The following LPCAT3 variants were observed in gnomAD, a reference collection of about 807,000 sequenced individuals.
LPCAT3 encodes the protein lysophosphatidylcholine acyltransferase 3.
Under a neutral mutation model 63.4 loss-of-function variants are expected in LPCAT3, and 21 were observed. The ratio of observed to expected loss-of-function variants is 0.33; its 90% CI spans 0.23 to 0.48. The LOEUF is 0.48. Ranked by LOEUF, LPCAT3 falls within the 20% of genes least tolerant of loss-of-function variation. LPCAT3 has a pLI of 0.99. For synonymous variants in LPCAT3, 242 were observed against 227.5 expected (o/e 1.06, Z -0.58); for missense variants, 451 against 590.6 (o/e 0.76, Z 2.45).
chr12:6,981,999 T>A (rs1189880972), intron 3 of LPCAT3, 95 bp from the exon 4 acceptor site: 11 of 721,358 alleles, frequency 1.5e-5, no homozygotes, highest in Non-Finnish European at 2.5e-5. Flanking sequence ...TTTCTCCTCA[T>A]CCCATCATTA....
chr12:6,994,710 C>T (rs1337969981), intron 1 of LPCAT3, among the ~76,000 whole-genome samples: 4 of 152,190 alleles, frequency 2.6e-5, no homozygotes, highest in South Asian at 4.1e-4. Flanking sequence ...CCGCCTTGGC[C>T]TCCCAAAGTG....
At position 6,976,418 on chromosome 12, in the gene LPCAT3, T is replaced by C. The variant is rs145616564; in HGVS notation, c.*486A>G. The C allele has an allele frequency of 8.2e-3, 1,252 of 153,516 alleles. 20 individuals are homozygous for C. Among genetic ancestry groups the C allele is most frequent in the Non-Finnish European group, 6.1e-3 (422 of 68,740 alleles). 9.5% of individuals were successfully genotyped at this position (153,516 alleles called of 1,614,324 possible). ...AGAGGGGAGATGTGAGCCCCTCTGC[T>C]CCTCCCACAAGAGTTTCCCCTTTGG... On this transcript the variant is annotated 3_prime_UTR_variant, in exon 13 of 13. Transcript: ENST00000261407.
intron 1 of LPCAT3, among the ~76,000 whole-genome samples, chr12:7,011,813 A>G (rs1789973472): frequency 6.6e-6 from 1 of 152,220 alleles, no homozygotes; most frequent in Admixed American, 6.5e-5. Flanking sequence ...CATTTAGGAC[A>G]GTCTCCCTAT....
chr12:7,015,922 A>G (rs1450870040), intron 1 of LPCAT3, among the ~76,000 whole-genome samples: 2 of 152,204 alleles, frequency 1.3e-5, no homozygotes, highest in Non-Finnish European at 2.9e-5. Flanking sequence ...ATATGTGATT[A>G]TGTCAACAAA....
chr12:6,978,751 C>CTCT, intron 7 of LPCAT3, 62 bp from the exon 8 acceptor site: 1 of 1,594,580 alleles, frequency 6.3e-7, no homozygotes. Flanking sequence ...TCTCTCAGCA[C>CTCT]TCTTCCTTTT....
chr12:6,978,740 T>G, intron 7 of LPCAT3, 51 bp from the exon 8 acceptor site: 2 of 1,604,604 alleles, frequency 1.2e-6, no homozygotes, highest in Non-Finnish European at 1.7e-6. Context: ...ACTAGGCAGT[T>G]TCTCTCAGCA....
chr12:6,998,494 T>G (rs1050266295), intron 1 of LPCAT3, among the ~76,000 whole-genome samples: 2 of 152,198 alleles, frequency 1.3e-5, no homozygotes, highest in Admixed American at 6.5e-5. Flanking sequence ...TTAGAGAACT[T>G]ACAGAGAAAA....
At position 6,981,808 on chromosome 12, in the gene LPCAT3, C is replaced by T. The variant is rs376829589; in HGVS notation, c.460+3G>A. ...AGGAAGGCAGGCAGTGACCATCACT[C>T]ACCAATCAGCTTCAAAGTCAGAACA... On this transcript the variant is annotated splice_donor_region_variant and intron_variant, in intron 4 of 12. Coordinates refer to ENST00000261407, the MANE Select transcript of LPCAT3 (RefSeq NM_005768.6). 1.9e-6 allele frequency: 3 copies of T among 1,611,060 alleles called. No homozygotes were observed. The highest frequency in any genetic ancestry group is 2.5e-6 in the Non-Finnish European group (3 of 1,177,288).
At chr12:7,010,406 C>A (rs782470844) in intron 1 of LPCAT3, among the ~76,000 whole-genome samples, 3 of 152,108 alleles carry the variant, frequency 2.0e-5, no homozygotes, top group South Asian at 2.1e-4. Context: ...AGACCAAATA[C>A]CATTATTGAT....
intron 1 of LPCAT3, among the ~76,000 whole-genome samples, chr12:7,004,211 ATTTGT>A (rs1382826292): frequency 2.0e-5 from 3 of 152,110 alleles, no homozygotes; most frequent in African/African-American, 7.2e-5. Context: ...ACAAAGAAAA[ATTTGT>A]TTTGTCTTTT....
At chr12:6,980,214 A>C (rs782356026) in intron 6 of LPCAT3, among the ~76,000 whole-genome samples, 1 of 150,368 alleles carries the variant, frequency 6.7e-6, no homozygotes, top group Non-Finnish European at 1.5e-5. Context: ...TGCCTGGATA[A>C]TTTTTTTTTG....
intron 1 of LPCAT3, among the ~76,000 whole-genome samples, chr12:7,006,984 G>A (rs782193914): frequency 2.0e-5 from 3 of 152,200 alleles, no homozygotes; most frequent in African/African-American, 7.2e-5. Context: ...TTAACCTTCT[G>A]GGATCTAATA....
At chr12:7,011,233 A>C (rs1218454581) in intron 1 of LPCAT3, among the ~76,000 whole-genome samples, 1 of 152,096 alleles carries the variant, frequency 6.6e-6, no homozygotes, top group Non-Finnish European at 1.5e-5. Flanking sequence ...ATGAGGTATC[A>C]CTATGTTGCC....
rs781810040 is a variant in LPCAT3, at chr12:6,977,229, A to T, written c.1381T>A (p.Phe461Ile). ...YKSIYFLGHI[F>I]FLSLLFILPY... is the part of the protein sequence containing the mutation. ...AATATGAATAGTAGGCTCAGGAAGA[A>T]GATGTGGCCAAGGAAATAGATGGAT... Residue 461 changes from phenylalanine to isoleucine, a missense_variant, in exon 12 of 13, where the codon TTC (phenylalanine) becomes ATC (isoleucine). Around this residue, in one of 3 missense-constraint regions of LPCAT3, gnomAD observed 304 missense variants for 390.8 expected, o/e 0.78. Coordinates refer to ENST00000261407, the MANE Select transcript of LPCAT3 (RefSeq NM_005768.6). This position sits in a 1 kb window ranked among gnomAD's most constrained non-coding sequence, Gnocchi z 4.5. 5.0e-6 allele frequency: 8 copies of T among 1,613,924 alleles called. No homozygotes were observed. The Admixed American group carries it at 1.3e-4, about 27-fold the overall frequency.
At position 6,981,169 on chromosome 12, in the gene LPCAT3, G is replaced by C. The variant is rs782405770; in HGVS notation, c.512C>G (p.Ser171Cys). ...ACGTATGGCATATTTCTGTTGCTCA[G>C]AGGACAAGGAATTCTATGCCAAGAA... is the stretch of plus-strand genomic sequence containing the variant. ...DGGKDQNSLS[S>C]EQQKYAIRGV... Residue 171 changes from serine to cysteine, a missense_variant, in exon 6 of 13, where the codon TCT becomes TGT. Physicochemically the swap from Ser to Cys is moderately radical, Grantham distance 112. Around this residue, in one of 3 missense-constraint regions of LPCAT3, gnomAD observed 304 missense variants for 390.8 expected, o/e 0.78. Transcript: ENST00000261407. 1.2e-6 allele frequency: 2 copies of C among 1,608,240 alleles called. No homozygotes were observed. Among genetic ancestry groups the C allele is most frequent in the South Asian group, 2.2e-5 (2 of 90,342 alleles).
Position 6,977,486 on chromosome 12 carries a change from G to A in LPCAT3, c.1228C>T (p.Leu410=). 6.2e-7 allele frequency: 1 copy of A among 1,614,230 alleles called. No homozygotes were observed. Residue 410 remains leucine, a synonymous_variant, in exon 11 of 13, where the codon CTG becomes TTG. Transcript: ENST00000261407. The surrounding 1 kb of genome is among the most constrained non-coding windows in gnomAD (Gnocchi z 4.5). ...LIQESPTLSK[L]AAITVLQPFY... is the part of the protein sequence containing the mutation. Reference sequence around the variant, plus strand: ...GGCTGGAGGACAGTAATGGCGGCCAGCTTGCTCAGGGTGGGGCTCTCTTGA... The same window carrying A: ...GGCTGGAGGACAGTAATGGCGGCCAACTTGCTCAGGGTGGGGCTCTCTTGA...
In LPCAT3 at chr12:7,017,240, A is replaced by C. The variant is rs1946802539; in HGVS notation, c.151+1034T>G. Among the ~76,000 whole-genome samples, 1 of 152,192 alleles carries C rather than the reference A, an allele frequency of 6.6e-6. No individual in the cohort carries two copies. On this transcript the variant is annotated intron_variant, in intron 1 of 12. Coordinates refer to ENST00000261407, the MANE Select transcript of LPCAT3 (RefSeq NM_005768.6). This position sits in a 1 kb window ranked among gnomAD's most constrained non-coding sequence, Gnocchi z 4.1. The stretch of plus-strand genomic sequence containing the variant: ...CACTCACCCGCTCCTAAAGTTCTAT[A>C]ACCTTCATAAAACGTTCCAACTGCT...
At chr12:7,008,309 A>G (rs1255318659) in intron 1 of LPCAT3, among the ~76,000 whole-genome samples, 1 of 152,100 alleles carries the variant, frequency 6.6e-6, no homozygotes, top group Non-Finnish European at 1.5e-5. Flanking sequence ...AGTGGGCCCT[A>G]AATCTCCTGG....
chr12:7,007,685 G>C (rs1474510418), intron 1 of LPCAT3, among the ~76,000 whole-genome samples: 1 of 151,568 alleles, frequency 6.6e-6, no homozygotes, highest in African/African-American at 2.4e-5. Flanking sequence ...AGTAGAGACA[G>C]GGTTTCACCA....
Sources: allele counts gnomAD v4.1 joint callset (sites outside exome capture counted in the v4.1 genomes callset), GRCh38; gene constraint gnomAD v4.1.1; regional missense constraint gnomAD v4.1.1; non-coding constraint Gnocchi (gnomAD v3.1); transcripts MANE v1.5; gene names NCBI Gene and HGNC (gene_info 2026-07-23, HGNC 2026-07-21).